The following LANCL2 variants were observed in gnomAD, a reference collection of about 807,000 sequenced individuals.
LANCL2 encodes the protein LanC like glutathione S-transferase 2, also known as lanC-like protein 2.
A neutral mutation model predicts 56.9 loss-of-function variants in LANCL2; 33 were observed. The observed-to-expected ratio is 0.58, with a 90% CI of 0.44 to 0.78. LANCL2 has a LOEUF of 0.78. Among genes scored for constraint, LANCL2 ranks in the 30% least tolerant of loss-of-function variants. LANCL2 has a pLI of 0.00. For missense variants in LANCL2, 562 were observed against 580.2 expected (o/e 0.97, Z 0.32); for synonymous variants, 233 against 228.2 (o/e 1.02, Z -0.19).
chr7:55,409,426 G>T (rs1398280538), intron 5 of LANCL2, among the ~76,000 whole-genome samples: 1 of 152,138 alleles, frequency 6.6e-6, no homozygotes, highest in East Asian at 1.9e-4. Flanking sequence ...TTCTAACGTT[G>T]CATTCTGCCC....
intron 2 of LANCL2, among the ~76,000 whole-genome samples, chr7:55,396,274 A>G (rs575262146): frequency 1.3e-4 from 16 of 123,266 alleles, no homozygotes; most frequent in Non-Finnish European, 2.4e-4. Context: ...ATCAGAGACA[A>G]CTCCCCTCAT....
At chr7:55,393,922 A>G (rs1476195061) in intron 2 of LANCL2, 2 of 152,250 alleles carry the variant, frequency 1.3e-5, no homozygotes, top group Non-Finnish European at 2.9e-5. Flanking sequence ...AAAATAACAT[A>G]GCTATTAGTC....
intron 6 of LANCL2, among the ~76,000 whole-genome samples, chr7:55,421,458 C>T (rs1228323186): frequency 2.6e-5 from 4 of 151,652 alleles, no homozygotes; most frequent in Admixed American, 6.6e-5. Context: ...CCTGCCTCAG[C>T]CTCCTGAGTA....
At chr7:55,367,109 A>G (rs1022291801) in intron 1 of LANCL2, among the ~76,000 whole-genome samples, 11 of 152,232 alleles carry the variant, frequency 7.2e-5, no homozygotes, top group African/African-American at 2.7e-4. Context: ...TCCTTATGCC[A>G]GAGACATATT....
chr7:55,410,036 C>T (rs1042616569), intron 5 of LANCL2, among the ~76,000 whole-genome samples: 3 of 152,184 alleles, frequency 2.0e-5, no homozygotes, highest in African/African-American at 7.2e-5. Context: ...AAGTGTCCCT[C>T]ATCTGCCACA....
At chr7:55,392,612 G>A (rs1293864948) in intron 2 of LANCL2, among the ~76,000 whole-genome samples, 1 of 152,082 alleles carries the variant, frequency 6.6e-6, no homozygotes, top group Non-Finnish European at 1.5e-5. Flanking sequence ...GCCTCCCAAA[G>A]TGCTGGGATT....
intron 1 of LANCL2, among the ~76,000 whole-genome samples, chr7:55,366,524 G>A (rs1789872831): frequency 6.6e-6 from 1 of 152,322 alleles, no homozygotes; most frequent in Admixed American, 6.5e-5. Flanking sequence ...GCGGGCTTGT[G>A]CACTCGTGAG....
In LANCL2 at chr7:55,399,975, A is replaced by G. The variant is rs144785170; in HGVS notation, c.549A>G (p.Arg183=). The change falls in exon 4 of 9, where the codon AGA becomes AGG. Residue 183 remains arginine (R), a synonymous_variant. Coordinates refer to ENST00000254770, the MANE Select transcript of LANCL2 (RefSeq NM_018697.4). ...TGGTTAGACTTTTGCAGCTCCAGAG[A>G]TCGGTTGTCTGCCAAGAATCAGACC... The part of the protein sequence containing the change: ...ECVTKLLQLQ[R]SVVCQESDLP... The G allele has an allele frequency of 2.5e-6, 4 of 1,612,746 alleles. No homozygotes were observed. The African/African-American group carries it at 5.3e-5, about 22-fold the overall frequency.
At chr7:55,391,694 TTCTG>T in intron 1 of LANCL2, 95 bp from the exon 2 acceptor site, 1 of 688,108 alleles carries the variant, frequency 1.5e-6, no homozygotes, top group East Asian at 2.7e-5. Flanking sequence ...GGAAAGTAAC[TTCTG>T]TCTGTTATGT....
At position 55,376,087 on chromosome 7, in the gene LANCL2, C is replaced by T. The variant is rs566663109; in HGVS notation, c.204+9858C>T. ...CTATTTTGTGGTCTGTGACCTGTTT[C>T]AGGTTCCAGGACATCTTTGGGGGCC... On this transcript the variant is annotated intron_variant, in intron 1 of 8. Coordinates refer to ENST00000254770, the MANE Select transcript of LANCL2 (RefSeq NM_018697.4). 2.0e-5 allele frequency among the ~76,000 whole-genome samples: 3 copies of T among 152,304 alleles called. No homozygotes were observed. The South Asian group carries it at 6.2e-4, about 32-fold the overall frequency.
At chr7:55,414,145 A>C (rs1257442425) in intron 6 of LANCL2, among the ~76,000 whole-genome samples, 1 of 152,234 alleles carries the variant, frequency 6.6e-6, no homozygotes, top group Non-Finnish European at 1.5e-5. Flanking sequence ...TCTTCTTCAT[A>C]GTATAAACTA....
At chr7:55,404,885 A>G (rs1274147560) in intron 5 of LANCL2, among the ~76,000 whole-genome samples, 1 of 152,216 alleles carries the variant, frequency 6.6e-6, no homozygotes, top group African/African-American at 2.4e-5. Context: ...AAGTACTGGG[A>G]TTACAGGCTT....
chr7:55,414,655 A>G (rs900011835), intron 6 of LANCL2, among the ~76,000 whole-genome samples: 1 of 152,092 alleles, frequency 6.6e-6, no homozygotes. Flanking sequence ...TTGTTAATTT[A>G]AAGTTATGTG....
At chr7:55,408,593 C>T (rs1583759061) in intron 5 of LANCL2, among the ~76,000 whole-genome samples, 1 of 151,632 alleles carries the variant, frequency 6.6e-6, no homozygotes, top group Non-Finnish European at 1.5e-5. Flanking sequence ...CGCTCGAACC[C>T]GGGAGGGAGA....
chr7:55,429,570 AAAACAGAGCATGTGTCAC>A (rs1232909003), intron 8 of LANCL2, among the ~76,000 whole-genome samples: 5 of 152,270 alleles, frequency 3.3e-5, no homozygotes, highest in Non-Finnish European at 7.3e-5. Context: ...ATACGAGCAG[AAAACAGAGCATGTGTCAC>A]ATGTTTTGCA....
chr7:55,420,303 T>A (rs1790594256), intron 6 of LANCL2, among the ~76,000 whole-genome samples: 1 of 152,240 alleles, frequency 6.6e-6, no homozygotes, highest in African/African-American at 2.4e-5. Flanking sequence ...CCCTTATGAT[T>A]TCTCTTTTGA....
At chr7:55,384,087 A>G (rs1168305403) in intron 1 of LANCL2, among the ~76,000 whole-genome samples, 2 of 152,234 alleles carry the variant, frequency 1.3e-5, no homozygotes, top group Non-Finnish European at 1.5e-5. Context: ...AAACAGAAAA[A>G]AAAAATGAAG....
intron 7 of LANCL2, among the ~76,000 whole-genome samples, chr7:55,426,878 T>C (rs1211103970): frequency 6.6e-6 from 1 of 152,134 alleles, no homozygotes; most frequent in Non-Finnish European, 1.5e-5. Flanking sequence ...GATGTGATGA[T>C]GGTAGATGAC....
chr7:55,384,900 C>T (rs1306745952), intron 1 of LANCL2, among the ~76,000 whole-genome samples: 1 of 152,100 alleles, frequency 6.6e-6, no homozygotes, highest in African/African-American at 2.4e-5. Context: ...TAATTTGTTA[C>T]AGCAGACTGG....
Sources: gnomAD v4.1 joint callset for allele counts (sites outside exome capture counted in the v4.1 genomes callset) on GRCh38, gnomAD v4.1.1 for gene constraint, MANE v1.5 for transcripts, NCBI Gene and HGNC (gene_info 2026-07-23, HGNC 2026-07-21) for gene names.